Variants in NRG2 observed in about 807,000 individuals in gnomAD.
NRG2 encodes the protein neuregulin 2, also known as pro-neuregulin-2, membrane-bound isoform.
NRG2 carries 27 observed loss-of-function variants against 73.9 expected under a neutral mutation model. The ratio of observed to expected loss-of-function variants is 0.37; its 90% CI spans 0.27 to 0.50. The LOEUF (loss-of-function observed/expected upper bound fraction) is 0.50, where lower values mean the gene tolerates loss of function less well. Ranked by LOEUF, NRG2 falls within the 20% of genes least tolerant of loss-of-function variation. The pLI, the probability that NRG2 is intolerant of heterozygous loss-of-function variation, is 0.96. For missense variants in NRG2, 1,126 were observed against 1,210.1 expected (o/e 0.93, Z 1.03); for synonymous variants, 532 against 541.0 (o/e 0.98, Z 0.23).
Position 139,851,008 on chromosome 5 carries a change from A to G in NRG2, c.1772+596T>C, listed in dbSNP as rs1010300696. ...TTCTTTTTTTTTTTTTCTTTTTGTA[A>G]AGGGAGTCTTGCTCTGTTGCTGAGG... is the stretch of plus-strand genomic sequence containing the variant. On this transcript the variant is annotated intron_variant, in intron 9 of 9. Coordinates refer to ENST00000361474, the MANE Select transcript of NRG2 (RefSeq NM_004883.3). This position sits in a 1 kb window ranked among gnomAD's most constrained non-coding sequence, Gnocchi z 4.2. Among the ~76,000 whole-genome samples, 4 of 151,014 alleles carry G rather than the reference A, an allele frequency of 2.6e-5. No homozygotes were observed. Among genetic ancestry groups the G allele is most frequent in the African/African-American group, 7.3e-5 (3 of 41,082 alleles).
At position 139,869,928 on chromosome 5, in the gene NRG2, C is replaced by A. The variant is rs544656654; in HGVS notation, c.1112+1793G>T. On this transcript the variant is annotated intron_variant, in intron 4 of 9. Transcript: ENST00000361474. The surrounding 1 kb of genome is among the most constrained non-coding windows in gnomAD (Gnocchi z 4.5). ...CCCCCATGGCCCTCCTCAGCCCTGGCACCTGTCCTGAGGGGCCAGAACCTT... is the reference window on the plus strand; with the variant it reads ...CCCCCATGGCCCTCCTCAGCCCTGGAACCTGTCCTGAGGGGCCAGAACCTT... Among the ~76,000 whole-genome samples, 3 of 152,212 alleles carry A rather than the reference C, an allele frequency of 2.0e-5. No individual in the cohort carries two copies. Among genetic ancestry groups the A allele is most frequent in the Admixed American group, 1.3e-4 (2 of 15,288 alleles).
intron 1 of NRG2, among the ~76,000 whole-genome samples, chr5:139,942,542 A>G (rs544375124): frequency 1.3e-5 from 2 of 152,328 alleles, no homozygotes; most frequent in African/African-American, 4.8e-5. Context: ...AGTGACTTCA[A>G]ACTTGGCATC....
rs1028993296 is a variant in NRG2, at chr5:139,851,337, T to C, written c.1772+267A>G. On this transcript the variant is annotated intron_variant, in intron 9 of 9. Transcript: ENST00000361474. The surrounding 1 kb of genome is among the most constrained non-coding windows in gnomAD (Gnocchi z 4.2). ...GTAACTATTAATAATGTCCTTTTTC[T>C]AGTGTGAAAAGTGTCCTGGGAGGAC... Among the ~76,000 whole-genome samples the C allele has an allele frequency of 2.0e-5, 3 of 152,186 alleles. No homozygotes were observed. The highest frequency in any genetic ancestry group is 7.2e-5 in the African/African-American group (3 of 41,454).
chr5:140,011,605 C>T (rs1020335177), intron 1 of NRG2, among the ~76,000 whole-genome samples: 4 of 152,076 alleles, frequency 2.6e-5, no homozygotes, highest in African/African-American at 9.7e-5. Flanking sequence ...ATCCATGTGG[C>T]AGGGAACTGA....
At chr5:139,867,012 C>A (rs1762509302) in intron 4 of NRG2, among the ~76,000 whole-genome samples, 1 of 152,206 alleles carries the variant, frequency 6.6e-6, no homozygotes, top group Non-Finnish European at 1.5e-5. Flanking sequence ...TAGCTAAGTT[C>A]ATCACCAGTG....
Position 139,848,354 on chromosome 5 carries a change from G to A in NRG2, c.2116C>T (p.Arg706Cys). The change falls in exon 10 of 10, where the codon CGC becomes TGC. Residue 706 changes from arginine (R) to cysteine (C), a missense_variant. This residue lies in a region of NRG2 where 402 missense variants were observed against 357.8 expected (regional missense o/e 1.12). Coordinates refer to ENST00000361474, the MANE Select transcript of NRG2 (RefSeq NM_004883.3). Reference protein sequence around the residue: ...SLGSLPASPFRIPEDDEYETT... With the variant: ...SLGSLPASPFCIPEDDEYETT... ...TCGTACTCGTCGTCCTCGGGGATGC[G>A]GAAGGGGCTGGCAGGCAGGCTGCCC... 8.2e-7 allele frequency: 1 copy of A among 1,223,102 alleles called. No homozygotes were observed. The highest frequency in any genetic ancestry group is 1.0e-6 in the Non-Finnish European group (1 of 985,110). The allele number at this position is 1,223,102 out of a possible 1,614,324, so 75.8% of individuals were successfully genotyped here.
At chr5:139,963,709 G>A (rs1755254355) in intron 1 of NRG2, among the ~76,000 whole-genome samples, 1 of 152,196 alleles carries the variant, frequency 6.6e-6, no homozygotes, top group South Asian at 2.1e-4. Context: ...GGCAGGCTTA[G>A]ACTCTCGTCT....
intron 1 of NRG2, among the ~76,000 whole-genome samples, chr5:139,949,960 T>A (rs1279173225): frequency 6.6e-6 from 1 of 152,194 alleles, no homozygotes; most frequent in Non-Finnish European, 1.5e-5. Flanking sequence ...GGCTCCTTCC[T>A]CTGTCTAAAT....
chr5:139,960,253 G>A (rs1754956101), intron 1 of NRG2, among the ~76,000 whole-genome samples: 1 of 152,198 alleles, frequency 6.6e-6, no homozygotes, highest in African/African-American at 2.4e-5. Context: ...AGTGGCTCAT[G>A]CCTGTAATCC....
intron 1 of NRG2, among the ~76,000 whole-genome samples, chr5:139,995,075 TA>T (rs1757925695): frequency 6.6e-6 from 1 of 152,152 alleles, no homozygotes; most frequent in South Asian, 2.1e-4. Context: ...GGGGTACTTT[TA>T]AAACATACTA....
chr5:139,926,521 G>A (rs1752074355), intron 1 of NRG2, among the ~76,000 whole-genome samples: 1 of 152,196 alleles, frequency 6.6e-6, no homozygotes. Context: ...CGTGAGTGAT[G>A]ATGCTATGCT....
At chr5:139,902,126 C>T (rs1278994489) in intron 1 of NRG2, among the ~76,000 whole-genome samples, 1 of 152,262 alleles carries the variant, frequency 6.6e-6, no homozygotes, top group Non-Finnish European at 1.5e-5. Flanking sequence ...TTCCACTATA[C>T]CATGAGTGGG....
chr5:140,005,182 G>A (rs1283551574), intron 1 of NRG2, among the ~76,000 whole-genome samples: 1 of 152,134 alleles, frequency 6.6e-6, no homozygotes, highest in Non-Finnish European at 1.5e-5. Flanking sequence ...GAAAGGGAAA[G>A]CCCCAAAGCT....
At chr5:140,026,430 G>A (rs1312253165) in intron 1 of NRG2, among the ~76,000 whole-genome samples, 2 of 152,134 alleles carry the variant, frequency 1.3e-5, no homozygotes, top group Non-Finnish European at 2.9e-5. Flanking sequence ...GGCAGGCTAG[G>A]TGAGATGTAA....
Position 139,851,617 on chromosome 5 carries a change from G to C in NRG2, c.1759C>G (p.Pro587Ala), listed in dbSNP as rs1301660780. The stretch of plus-strand genomic sequence containing the variant: ...GTAGGAACTGACCTCTCGCTGTGTG[G>C]GGAGTCGCGAAGGGAGTCCACGGAA... ...HDSVDSLRDS[P>A]HSERYVSALT... The change falls in exon 9 of 10, where the codon CCA (proline) becomes GCA (alanine). Residue 587 changes from proline (P) to alanine (A), a missense_variant. Pro to Ala is a conservative substitution (Grantham distance 27, BLOSUM62 -1). Around this residue, in one of 3 missense-constraint regions of NRG2, gnomAD observed 539 missense variants for 703.2 expected, o/e 0.77. Transcript: ENST00000361474. This position sits in a 1 kb window ranked among gnomAD's most constrained non-coding sequence, Gnocchi z 4.2. 6.2e-7 allele frequency: 1 copy of C among 1,613,840 alleles called. No individual in the cohort carries two copies. Among genetic ancestry groups the C allele is most frequent in the African/African-American group, 1.3e-5 (1 of 74,942 alleles).
chr5:140,027,695 A>C (rs1017588265), intron 1 of NRG2, among the ~76,000 whole-genome samples: 1 of 152,242 alleles, frequency 6.6e-6, no homozygotes, highest in Non-Finnish European at 1.5e-5. Flanking sequence ...ATGTGTAGGA[A>C]AAACATAGTA....
intron 1 of NRG2, among the ~76,000 whole-genome samples, chr5:140,006,320 C>A (rs1486514328): frequency 1.3e-5 from 2 of 152,200 alleles, no homozygotes; most frequent in Non-Finnish European, 2.9e-5. Flanking sequence ...GTACAGATTG[C>A]CCCAATTTGG....
chr5:140,006,977 G>A (rs937152847), intron 1 of NRG2, among the ~76,000 whole-genome samples: 1 of 152,150 alleles, frequency 6.6e-6, no homozygotes, highest in Non-Finnish European at 1.5e-5. Flanking sequence ...CTGCCTACAT[G>A]TGTGCTGTGG....
chr5:139,992,146 G>A (rs1173800511), intron 1 of NRG2, among the ~76,000 whole-genome samples: 2 of 152,114 alleles, frequency 1.3e-5, no homozygotes, highest in African/African-American at 4.8e-5. Context: ...AATTTATTAA[G>A]TACTCCCTTA....
Sources: allele counts gnomAD v4.1 joint callset (sites outside exome capture counted in the v4.1 genomes callset), GRCh38; gene constraint gnomAD v4.1.1; regional missense constraint gnomAD v4.1.1; non-coding constraint Gnocchi (gnomAD v3.1); transcripts MANE v1.5; gene names NCBI Gene and HGNC (gene_info 2026-07-23, HGNC 2026-07-21).